CRB1: variants seen among roughly 807,000 people sequenced by gnomAD.
CRB1 encodes crumbs cell polarity complex component 1.
A neutral mutation model predicts 120.0 loss-of-function variants in CRB1; 83 were observed. The observed-to-expected ratio is 0.69, with a 90% CI of 0.58 to 0.83. The LOEUF is 0.83. CRB1 is among the 40% of genes least tolerant of loss of function. CRB1 has a pLI of 0.00. For synonymous variants in CRB1, 625 were observed against 612.5 expected, an observed-to-expected ratio of 1.02 and a Z score of -0.30; for missense variants, 1,699 against 1,687.6, an observed-to-expected ratio of 1.01 and a Z score of -0.12.
chr1:197,417,431 C>A (rs1664064012), intron 5 of CRB1, among the ~76,000 whole-genome samples: 1 of 152,160 alleles, frequency 6.6e-6, no homozygotes, highest in African/African-American at 2.4e-5. Flanking sequence ...CATTAGTAGG[C>A]AGTTTGTGTA....
intron 1 of CRB1, among the ~76,000 whole-genome samples, chr1:197,327,108 A>ACC (rs1558055603): frequency 2.7e-5 from 2 of 74,876 alleles, no homozygotes; most frequent in African/African-American, 1.3e-4. Context: ...AAAAAAAAAA[A>ACC]AAAAAAAAAA....
intron 2 of CRB1, among the ~76,000 whole-genome samples, chr1:197,337,002 A>G (rs1659191846): frequency 6.6e-6 from 1 of 152,228 alleles, no homozygotes; most frequent in South Asian, 2.1e-4. Flanking sequence ...GACTGCAGAG[A>G]TATTTTGGAA....
chr1:197,404,325 C>T (rs1663220727), intron 5 of CRB1, among the ~76,000 whole-genome samples: 1 of 151,752 alleles, frequency 6.6e-6, no homozygotes, highest in South Asian at 2.1e-4. Flanking sequence ...GCCTGTAGTC[C>T]CAGCTACTCG....
chr1:197,325,368 C>T (rs1397994864), intron 1 of CRB1, among the ~76,000 whole-genome samples: 1 of 152,168 alleles, frequency 6.6e-6, no homozygotes. Context: ...ATTCTGATTA[C>T]ATTTCATTAG....
chr1:197,255,857 C>T, the CRB1 span, among the ~76,000 whole-genome samples: 2 of 150,656 alleles, frequency 1.3e-5, no homozygotes, highest in Non-Finnish European at 3.0e-5. Flanking sequence ...CCTTTCTTAA[C>T]TTTCTATAGG....
chr1:197,270,548 A>G (rs1361525884), intron 1 of CRB1, among the ~76,000 whole-genome samples: 1 of 152,228 alleles, frequency 6.6e-6, no homozygotes, highest in Admixed American at 6.5e-5. Flanking sequence ...AATCATCAGA[A>G]TAGTTAAATA....
chr1:197,335,904 T>C (rs566235640), intron 2 of CRB1, among the ~76,000 whole-genome samples: 1 of 137,182 alleles, frequency 7.3e-6, no homozygotes, highest in African/African-American at 2.4e-5. Context: ...AATGAAAGCA[T>C]GCCTTTCTCT....
intron 1 of CRB1, among the ~76,000 whole-genome samples, chr1:197,292,666 A>T (rs1441890214): frequency 6.6e-6 from 1 of 152,168 alleles, no homozygotes; most frequent in East Asian, 1.9e-4. Flanking sequence ...CCTCAATAAA[A>T]TACTGGCAAA....
intron 1 of CRB1, among the ~76,000 whole-genome samples, chr1:197,296,142 A>G (rs1239160596): frequency 6.6e-6 from 1 of 152,056 alleles, no homozygotes; most frequent in African/African-American, 2.4e-5. Flanking sequence ...TATCTGCAAA[A>G]TGGAGACACA....
chr1:197,434,421 T>C (rs757198623), intron 8 of CRB1, among the ~76,000 whole-genome samples: 5 of 152,288 alleles, frequency 3.3e-5, no homozygotes, highest in Middle Eastern at 3.4e-3. Context: ...ACCATCCCAG[T>C]TTGATATTCT....
intron 2 of CRB1, among the ~76,000 whole-genome samples, chr1:197,333,747 C>T (rs910705709): frequency 6.6e-6 from 1 of 152,142 alleles, no homozygotes; most frequent in African/African-American, 2.4e-5. Context: ...TTTGTACTTA[C>T]AGAGTAGTTA....
In CRB1 at chr1:197,422,112, G is replaced by A. The variant is rs74134804; in HGVS notation, c.2128+156G>A. Reference sequence around the variant, plus strand: ...CCACTGATGAGAAAGAAAAGAAGAGGGCAGTGATGTGCGTTAATTAATTTT... The same window carrying A: ...CCACTGATGAGAAAGAAAAGAAGAGAGCAGTGATGTGCGTTAATTAATTTT... On this transcript the variant is annotated intron_variant, in intron 6 of 11. Coordinates refer to ENST00000367400, the MANE Select transcript of CRB1 (RefSeq NM_201253.3). 832 of 186,856 alleles carry A rather than the reference G, an allele frequency of 4.5e-3. 3 individuals are homozygous for A. Among genetic ancestry groups the A allele is most frequent in the African/African-American group, 0.019 (802 of 42,074 alleles). The allele number at this position is 186,856 out of a possible 1,614,324, so 11.6% of individuals were successfully genotyped here.
chr1:197,322,841 A>T (rs554678556), intron 1 of CRB1, among the ~76,000 whole-genome samples: 79 of 151,970 alleles, frequency 5.2e-4, no homozygotes, highest in African/African-American at 1.8e-3. Flanking sequence ...TCTTTTTATG[A>T]CTCTGTCTTC....
intron 1 of CRB1, among the ~76,000 whole-genome samples, chr1:197,309,689 G>A (rs957682015): frequency 1.3e-5 from 2 of 151,944 alleles, no homozygotes; most frequent in African/African-American, 4.8e-5. Flanking sequence ...GGGAGGCAGA[G>A]CTTGCAGTGA....
At chr1:197,262,100 C>T in the CRB1 span, among the ~76,000 whole-genome samples, 1 of 152,156 alleles carries the variant, frequency 6.6e-6, no homozygotes, top group Non-Finnish European at 1.5e-5. Flanking sequence ...CTTAAACTTG[C>T]AAATTACTGA....
the CRB1 span, among the ~76,000 whole-genome samples, chr1:197,261,824 T>C: frequency 5.6e-4 from 86 of 152,218 alleles, no homozygotes; most frequent in Non-Finnish European, 1.5e-4. Flanking sequence ...GCAGCACTTA[T>C]TATACAGGTA....
intron 5 of CRB1, among the ~76,000 whole-genome samples, chr1:197,409,329 C>T (rs571937181): frequency 6.6e-6 from 1 of 152,258 alleles, no homozygotes; most frequent in South Asian, 2.1e-4. Context: ...TTTGGCATAA[C>T]ACATTTTTAT....
the CRB1 span, among the ~76,000 whole-genome samples, chr1:197,261,113 A>G: frequency 2.0e-5 from 3 of 152,256 alleles, no homozygotes; most frequent in East Asian, 5.8e-4. Context: ...TGAAAAATAC[A>G]CAAATTTAAA....
intron 5 of CRB1, among the ~76,000 whole-genome samples, chr1:197,403,624 A>C (rs990175587): frequency 6.6e-6 from 1 of 151,840 alleles, no homozygotes; most frequent in Non-Finnish European, 1.5e-5. Flanking sequence ...AACCCTGCTG[A>C]TGTTTTTTTT....
Sources: gnomAD v4.1 joint callset for allele counts (sites outside exome capture counted in the v4.1 genomes callset) on GRCh38, gnomAD v4.1.1 for gene constraint, MANE v1.5 for transcripts, NCBI Gene and HGNC (gene_info 2026-07-23, HGNC 2026-07-21) for gene names.